The following NRG4 variants were observed in gnomAD, a reference collection of about 807,000 sequenced individuals.
NRG4 encodes pro-neuregulin-4, membrane-bound isoform.
In NRG4, 10 loss-of-function variants were observed where a neutral mutation model predicts 15.0. The observed-to-expected ratio is 0.67, with a 90% CI of 0.41 to 1.13. The LOEUF is 1.13. NRG4 is among the 50% of genes most tolerant of loss of function. The pLI is 0.00. For missense variants in NRG4, 139 were observed against 140.2 expected, an observed-to-expected ratio of 0.99 and a Z score of 0.04; for synonymous variants, 41 against 50.1, an observed-to-expected ratio of 0.82 and a Z score of 0.77.
At chr15:75,976,079 T>C (rs1048896262) in intron 3 of NRG4, among the ~76,000 whole-genome samples, 3 of 152,216 alleles carry the variant, frequency 2.0e-5, no homozygotes, top group African/African-American at 7.2e-5. Context: ...CTTTATTTCA[T>C]CAATTGATCT....
intron 3 of NRG4, among the ~76,000 whole-genome samples, chr15:75,991,669 G>C (rs954367705): frequency 6.6e-6 from 1 of 151,354 alleles, no homozygotes; most frequent in African/African-American, 2.4e-5. Flanking sequence ...GAACTACTGA[G>C]AGAGGGATGT....
chr15:76,056,625 T>A (rs2036159000), intron 2 of NRG4, among the ~76,000 whole-genome samples: 1 of 152,202 alleles, frequency 6.6e-6, no homozygotes, highest in Admixed American at 6.5e-5. Flanking sequence ...ACATTCCAAA[T>A]AAGTGAGGTT....
At chr15:76,023,223 A>C (rs539965504) in intron 5 of NRG4, among the ~76,000 whole-genome samples, 1 of 150,510 alleles carries the variant, frequency 6.6e-6, no homozygotes, top group Admixed American at 6.6e-5. Context: ...CTAAGATTTC[A>C]CTGGAGTGTT....
In NRG4 at chr15:75,961,945, C is replaced by A. The variant is rs2032544483; in HGVS notation, c.134G>T (p.Cys45Phe). 6.2e-7 allele frequency: 1 copy of A among 1,613,562 alleles called. No individual in the cohort carries two copies. Among genetic ancestry groups the A allele is most frequent in the South Asian group, 1.1e-5 (1 of 91,048 alleles). Residue 45 changes from cysteine (C) to phenylalanine (F), a missense_variant, in exon 4 of 6, where the codon TGT becomes TTT. Cys to Phe is a radical substitution (Grantham distance 205). Coordinates refer to ENST00000394907, the MANE Select transcript of NRG4 (RefSeq NM_138573.4). ...RCVENYTGAR[C>F]EEVFLPGSSI... is the part of the protein sequence containing the mutation. The stretch of plus-strand genomic sequence containing the variant: ...GGAGCCTGGGAGAAAAACCTCTTCA[C>A]AACGAGCTCCTGTATAGTTTTCAAC...
chr15:76,023,115 C>A (rs1259490345), intron 5 of NRG4, among the ~76,000 whole-genome samples: 1 of 147,920 alleles, frequency 6.8e-6, no homozygotes, highest in African/African-American at 2.5e-5. Flanking sequence ...ACTAGAGACA[C>A]CTGGCACCCA....
At chr15:75,999,034 G>T (rs1207161096) in intron 3 of NRG4, among the ~76,000 whole-genome samples, 6 of 152,104 alleles carry the variant, frequency 3.9e-5, no homozygotes, top group Admixed American at 2.6e-4. Context: ...ACTGCTGTGG[G>T]CATAAGAATA....
At chr15:76,028,060 C>A (rs953180073) in intron 5 of NRG4, among the ~76,000 whole-genome samples, 1 of 151,224 alleles carries the variant, frequency 6.6e-6, no homozygotes, top group Non-Finnish European at 1.5e-5. Context: ...AATGTCTACA[C>A]AAAAAACTAG....
At chr15:75,971,265 G>C (rs2033077169) in intron 3 of NRG4, 1 of 455,544 alleles carries the variant, frequency 2.2e-6, no homozygotes, top group Non-Finnish European at 4.4e-6. Flanking sequence ...AAACAATAAG[G>C]GTTTTGGTTT....
At chr15:76,018,016 G>A (rs376072909) in intron 5 of NRG4, among the ~76,000 whole-genome samples, 42 of 151,994 alleles carry the variant, frequency 2.8e-4, no homozygotes, top group Middle Eastern at 3.4e-3. Context: ...TTGGAGGCTC[G>A]TTTGTTTCTT....
intron 3 of NRG4, among the ~76,000 whole-genome samples, chr15:75,967,533 CTCA>C (rs1311375446): frequency 7.2e-6 from 1 of 138,964 alleles, no homozygotes; most frequent in African/African-American, 2.6e-5. Flanking sequence ...GTGATCTCAG[CTCA>C]CTGCAACCTC....
At chr15:75,949,163 C>G (rs2141777869) in intron 5 of NRG4, among the ~76,000 whole-genome samples, 1 of 152,268 alleles carries the variant, frequency 6.6e-6, no homozygotes, top group East Asian at 1.9e-4. Flanking sequence ...GATCATGTGT[C>G]CATTCCGAGC....
At chr15:75,949,260 C>T (rs2031733205) in intron 5 of NRG4, among the ~76,000 whole-genome samples, 1 of 151,986 alleles carries the variant, frequency 6.6e-6, no homozygotes, top group Non-Finnish European at 1.5e-5. Flanking sequence ...AAATACAAAA[C>T]ACTAGCCAGG....
intron 5 of NRG4, among the ~76,000 whole-genome samples, chr15:76,022,728 T>C (rs2035196000): frequency 6.6e-6 from 1 of 152,092 alleles, no homozygotes; most frequent in South Asian, 2.1e-4. Flanking sequence ...TGGATCCAGA[T>C]TGTAGACTTT....
chr15:75,969,354 A>G, intron 3 of NRG4: 1 of 374,300 alleles, frequency 2.7e-6, no homozygotes, highest in Non-Finnish European at 5.5e-6. Context: ...TCCAAAGAAA[A>G]TAATGGATGA....
intron 5 of NRG4, among the ~76,000 whole-genome samples, chr15:75,944,159 AAC>A (rs1172852453): frequency 3.3e-5 from 5 of 152,236 alleles, no homozygotes; most frequent in Non-Finnish European, 7.3e-5. Flanking sequence ...TCCTGAGACT[AAC>A]ACCCATATCT....
At chr15:75,979,519 A>G (rs1376256913) in intron 3 of NRG4, among the ~76,000 whole-genome samples, 1 of 152,194 alleles carries the variant, frequency 6.6e-6, no homozygotes, top group Non-Finnish European at 1.5e-5. Flanking sequence ...AAAATAGCTA[A>G]AATTAAAATC....
At chr15:76,012,996 A>G (rs1039058408), upstream of NRG4, among the ~76,000 whole-genome samples, 2 of 152,228 alleles carry the variant, frequency 1.3e-5, no homozygotes, top group African/African-American at 2.4e-5. Context: ...TTTAAAAATC[A>G]TAAACAATTT....
chr15:76,018,265 T>A (rs576024702), intron 5 of NRG4, among the ~76,000 whole-genome samples: 3 of 152,270 alleles, frequency 2.0e-5, no homozygotes, highest in African/African-American at 7.2e-5. Context: ...TTGCATTGAG[T>A]TAGAATATCC....
intron 3 of NRG4, among the ~76,000 whole-genome samples, chr15:75,988,472 C>T (rs921033476): frequency 1.3e-5 from 2 of 152,222 alleles, no homozygotes; most frequent in Non-Finnish European, 2.9e-5. Context: ...CAGGCATGAG[C>T]CACCACGTCC....
Sources: allele counts gnomAD v4.1 joint callset (sites outside exome capture counted in the v4.1 genomes callset), GRCh38; gene constraint gnomAD v4.1.1; transcripts MANE v1.5; gene names NCBI Gene and HGNC (gene_info 2026-07-23, HGNC 2026-07-21).